NCOA1: variants seen among roughly 807,000 people sequenced by gnomAD.
The protein encoded by NCOA1 is Hin-2 protein.
A neutral mutation model predicts 150.9 loss-of-function variants in NCOA1; 35 were observed. The observed-to-expected ratio is 0.23, with a 90% CI of 0.18 to 0.31. The LOEUF (loss-of-function observed/expected upper bound fraction) is 0.31. NCOA1 is among the 10% of genes least tolerant of loss of function. The pLI is 1.00. For synonymous variants in NCOA1, 590 were observed against 630.0 expected, an observed-to-expected ratio of 0.94 and a Z score of 0.95; for missense variants, 1,491 against 1,749.3, an observed-to-expected ratio of 0.85 and a Z score of 2.63.
At chr2:24,661,381 C>G (rs1320733190) in intron 5 of NCOA1, among the ~76,000 whole-genome samples, 1 of 151,824 alleles carries the variant, frequency 6.6e-6, no homozygotes, top group Admixed American at 6.6e-5. Context: ...TTTTTTGTTT[C>G]TAAGACTTAC....
intron 2 of NCOA1, among the ~76,000 whole-genome samples, chr2:24,579,793 G>A (rs1667128019): frequency 6.6e-6 from 1 of 152,194 alleles, no homozygotes; most frequent in African/African-American, 2.4e-5. Flanking sequence ...CAGTAAGAGT[G>A]AACCAGGAGT....
At chr2:24,725,980 G>A (rs774986277) in intron 14 of NCOA1, among the ~76,000 whole-genome samples, 8 of 151,884 alleles carry the variant, frequency 5.3e-5, no homozygotes, top group East Asian at 1.9e-4. Flanking sequence ...CCAAAAAAGC[G>A]TTACAGAAAA....
intron 8 of NCOA1, among the ~76,000 whole-genome samples, chr2:24,685,949 A>G (rs1012095684): frequency 6.6e-6 from 1 of 152,132 alleles, no homozygotes; most frequent in Admixed American, 6.5e-5. Context: ...ATTCTGTAGA[A>G]ATTGAGGCAA....
chr2:24,692,525 C>G lies in NCOA1; in HGVS notation c.713-727C>G, dbSNP rs940079048. ...CTTCAGAGTTAAAGGTTGTTTTTCT[C>G]ATATAATTATCTACACTGTGGTTAT... On this transcript the variant is annotated intron_variant, in intron 9 of 22. Transcript: ENST00000348332. 5.9e-5 allele frequency among the ~76,000 whole-genome samples: 9 copies of G among 152,054 alleles called. No individual in the cohort carries two copies. In the East Asian group the frequency reaches 1.7e-3, roughly 29 times the overall value.
chr2:24,594,403 A>G (rs1667804026), intron 3 of NCOA1, among the ~76,000 whole-genome samples: 1 of 152,114 alleles, frequency 6.6e-6, no homozygotes, highest in Admixed American at 6.6e-5. Flanking sequence ...ATTGGGGCAG[A>G]GTCATTATTT....
intron 1 of NCOA1, among the ~76,000 whole-genome samples, chr2:24,529,820 T>G (rs980065830): frequency 1.3e-5 from 2 of 152,246 alleles, no homozygotes; most frequent in South Asian, 2.1e-4. Flanking sequence ...AACTCATGTT[T>G]GCTAATTTTA....
chr2:24,760,292 A>T (rs1351833911), intron 21 of NCOA1, among the ~76,000 whole-genome samples: 1 of 143,682 alleles, frequency 7.0e-6, no homozygotes, highest in Non-Finnish European at 1.5e-5. Context: ...GGCACCCGCC[A>T]CCATGCCCGG....
At chr2:24,591,763 G>GT (rs1478137080) in intron 3 of NCOA1, among the ~76,000 whole-genome samples, 4 of 151,788 alleles carry the variant, frequency 2.6e-5, no homozygotes, top group Non-Finnish European at 5.9e-5. Flanking sequence ...GTCTCTTCCT[G>GT]TTTCTCTCAT....
chr2:24,634,709 C>A (rs1669857431), intron 3 of NCOA1, among the ~76,000 whole-genome samples: 1 of 23,366 alleles, frequency 4.3e-5, no homozygotes. Context: ...AGGGGAGGAA[C>A]CCCCCCCCCC....
chr2:24,691,035 T>G (rs1212479005), intron 8 of NCOA1, among the ~76,000 whole-genome samples: 1 of 152,142 alleles, frequency 6.6e-6, no homozygotes, highest in Non-Finnish European at 1.5e-5. Flanking sequence ...CCCAGAAAGG[T>G]GCACATCCAC....
intron 2 of NCOA1, among the ~76,000 whole-genome samples, chr2:24,567,165 G>A (rs996404772): frequency 6.6e-5 from 10 of 152,190 alleles, no homozygotes; most frequent in Non-Finnish European, 1.5e-4. Context: ...TTTTGCTGAA[G>A]AAAAATTATC....
intron 5 of NCOA1, among the ~76,000 whole-genome samples, chr2:24,662,507 T>G (rs1671229370): frequency 6.6e-6 from 1 of 152,200 alleles, no homozygotes. Flanking sequence ...TGGCACTCAT[T>G]CTGCTTCTTA....
intron 1 of NCOA1, among the ~76,000 whole-genome samples, chr2:24,501,255 A>AT (rs1198518107): frequency 6.6e-6 from 1 of 152,204 alleles, no homozygotes; most frequent in Non-Finnish European, 1.5e-5. Context: ...GTGAGGTAAC[A>AT]TTTTTTCAGC....
Position 24,520,630 on chromosome 2 carries a change from T to C in NCOA1, c.-396+29028T>C, listed in dbSNP as rs1027995630. ...AGTGTGGGAATGAGGGATCATAAGA[T>C]GCACAAGGAAACTTATGAGAGTGAT... On this transcript the variant is annotated intron_variant, in intron 1 of 22. Coordinates refer to ENST00000348332, the MANE Select transcript of NCOA1 (RefSeq NM_003743.5). Among the ~76,000 whole-genome samples the C allele has an allele frequency of 7.2e-4, 109 of 152,316 alleles. 1 individual carries two copies. Among genetic ancestry groups the C allele is most frequent in the African/African-American group, 2.5e-3 (104 of 41,566 alleles).
intron 1 of NCOA1, among the ~76,000 whole-genome samples, chr2:24,529,805 A>G (rs1013962628): frequency 3.3e-5 from 5 of 152,186 alleles, no homozygotes; most frequent in Non-Finnish European, 4.4e-5. Context: ...TGGTTATGCT[A>G]TAAAAACTCA....
chr2:24,715,450 C>T (rs1229268223), intron 14 of NCOA1, among the ~76,000 whole-genome samples: 1 of 152,018 alleles, frequency 6.6e-6, no homozygotes, highest in African/African-American at 2.4e-5. Flanking sequence ...GTTAAAAATG[C>T]ATTTTTTTAA....
intron 3 of NCOA1, among the ~76,000 whole-genome samples, chr2:24,621,452 T>TGA (rs1669155767): frequency 3.9e-5 from 5 of 128,186 alleles, no homozygotes; most frequent in Non-Finnish European, 8.2e-5. Flanking sequence ...TTTTTTTTTT[T>TGA]TTTTTTTTTT....
chr2:24,500,884 A>G (rs1663432382), intron 1 of NCOA1, among the ~76,000 whole-genome samples: 1 of 152,108 alleles, frequency 6.6e-6, no homozygotes, highest in Non-Finnish European at 1.5e-5. Context: ...GGGAAAGGAT[A>G]TTGAAAATGG....
chr2:24,582,917 C>T (rs1009173159), intron 2 of NCOA1, among the ~76,000 whole-genome samples: 5 of 152,074 alleles, frequency 3.3e-5, no homozygotes, highest in Non-Finnish European at 7.4e-5. Flanking sequence ...TGAAACTAGA[C>T]CCTCATCTCT....
Sources: gnomAD v4.1 joint callset for allele counts (sites outside exome capture counted in the v4.1 genomes callset) on GRCh38, gnomAD v4.1.1 for gene constraint, MANE v1.5 for transcripts, NCBI Gene and HGNC (gene_info 2026-07-23, HGNC 2026-07-21) for gene names.